The following PPIH variants were observed in gnomAD, a reference collection of about 807,000 sequenced individuals.
PPIH encodes the protein peptidyl-prolyl cis-trans isomerase H.
Under a neutral mutation model 27.6 loss-of-function variants are expected in PPIH, and 16 were observed. That is an observed-to-expected ratio of 0.58 (90% confidence interval 0.39 to 0.88). The LOEUF (loss-of-function observed/expected upper bound fraction) is 0.88, where lower values mean the gene tolerates loss of function less well. Among genes scored for constraint, PPIH ranks in the 40% least tolerant of loss-of-function variants. The pLI is 0.00. For synonymous variants in PPIH, 63 were observed against 76.1 expected (o/e 0.83, Z 0.90); for missense variants, 155 against 224.1 (o/e 0.69, Z 1.97).
intron 9 of PPIH, among the ~76,000 whole-genome samples, chr1:42,670,993 A>T (rs1258503425): frequency 6.6e-6 from 1 of 152,076 alleles, no homozygotes; most frequent in Non-Finnish European, 1.5e-5. Context: ...ACGGGGTTTC[A>T]TCGTGTTAGC....
In PPIH at chr1:42,666,034, T is replaced by G. The variant is rs11550298; in HGVS notation, c.391T>G (p.Cys131Gly). The change falls in exon 7 of 10, where the codon TGC becomes GGC. Residue 131 changes from cysteine to glycine, a missense_variant. Physicochemically the swap from Cys to Gly is radical, Grantham distance 159. Around this residue, in one of 2 missense-constraint regions of PPIH, gnomAD observed 96 missense variants for 175.3 expected, o/e 0.55. Coordinates refer to ENST00000304979, the MANE Select transcript of PPIH (RefSeq NM_006347.4). ...GCQFFITCSK[C>G]DWLDGKHVVF... ...TCAGTTCTTTATCACCTGCTCTAAG[T>G]GCGATTGGCTGGATGGGAAGCATGT... 5 of 1,614,086 alleles carry G rather than the reference T, an allele frequency of 3.1e-6. No individual in the cohort carries two copies. Among genetic ancestry groups the G allele is most frequent in the Non-Finnish European group, 4.2e-6 (5 of 1,180,032 alleles).
chr1:42,673,659 G>A (rs1649751547), intron 9 of PPIH, among the ~76,000 whole-genome samples: 1 of 152,238 alleles, frequency 6.6e-6, no homozygotes, highest in Non-Finnish European at 1.5e-5. Context: ...TTTGTAACAA[G>A]TATCTCACAT....
intron 8 of PPIH, 44 bp downstream of exon 8, chr1:42,666,631 T>C (rs766549709): frequency 1.9e-6 from 3 of 1,587,082 alleles, no homozygotes; most frequent in Non-Finnish European, 2.6e-6. Context: ...CATTGTGGTC[T>C]GGTACTGTCT....
downstream of PPIH, chr1:42,681,400 G>C (rs1650014866): frequency 6.6e-6 from 1 of 152,060 alleles, no homozygotes; most frequent in Non-Finnish European, 1.5e-5. Flanking sequence ...AGTATTTACC[G>C]TGTTGGCTGT....
intron 5 of PPIH, among the ~76,000 whole-genome samples, chr1:42,664,538 C>G (rs543569404): frequency 6.6e-6 from 1 of 152,286 alleles, no homozygotes; most frequent in East Asian, 1.9e-4. Context: ...TGAGAGTCTT[C>G]AGGAATGGCA....
At chr1:42,662,844 A>T (rs1172533931) in intron 5 of PPIH, among the ~76,000 whole-genome samples, 1 of 152,172 alleles carries the variant, frequency 6.6e-6, no homozygotes. Flanking sequence ...TGTTTATATA[A>T]TTTTTAACAG....
At chr1:42,666,105 C>T in intron 7 of PPIH, 38 bp downstream of exon 7, 3 of 1,575,254 alleles carry the variant, frequency 1.9e-6, no homozygotes, top group Non-Finnish European at 2.6e-6. Flanking sequence ...AGGCCCCATT[C>T]ACCCTGGATG....
intron 4 of PPIH, 105 bp downstream of exon 4, chr1:42,659,671 A>T: frequency 6.7e-7 from 1 of 1,483,552 alleles, no homozygotes; most frequent in Non-Finnish European, 8.9e-7. Flanking sequence ...ACATTTCTTG[A>T]GAAGAAATGT....
chr1:42,663,966 AT>A (rs1649191890), intron 5 of PPIH, among the ~76,000 whole-genome samples: 1 of 152,206 alleles, frequency 6.6e-6, no homozygotes, highest in African/African-American at 2.4e-5. Flanking sequence ...CACTGCAAAT[AT>A]GGCCTTGGTC....
chr1:42,668,527 T>G (rs1265317920), intron 9 of PPIH, among the ~76,000 whole-genome samples: 1 of 152,158 alleles, frequency 6.6e-6, no homozygotes, highest in East Asian at 1.9e-4. Flanking sequence ...ACCACAATAT[T>G]ATCTAATATA....
At chr1:42,659,336 T>C in intron 3 of PPIH, 85 bp downstream of exon 3, 1 of 1,614,244 alleles carries the variant, frequency 6.2e-7, no homozygotes, top group Non-Finnish European at 8.5e-7. Flanking sequence ...AACCACCTGC[T>C]GGCCTTGAAT....
chr1:42,661,753 G>A (rs1425607646), intron 5 of PPIH, among the ~76,000 whole-genome samples: 3 of 152,124 alleles, frequency 2.0e-5, no homozygotes, highest in Non-Finnish European at 2.9e-5. Context: ...ATACAGGGTT[G>A]CAGAGTGGCA....
intron 6 of PPIH, among the ~76,000 whole-genome samples, chr1:42,665,513 C>T (rs1649283441): frequency 6.6e-6 from 1 of 152,052 alleles, no homozygotes; most frequent in Admixed American, 6.5e-5. Context: ...GCATTCAGCC[C>T]TACTGCTCAG....
chr1:42,671,923 G>A (rs1305768439), intron 9 of PPIH, among the ~76,000 whole-genome samples: 2 of 146,594 alleles, frequency 1.4e-5, no homozygotes, highest in African/African-American at 2.5e-5. Context: ...TTGCTCTGTC[G>A]CCCAGGCTAG....
chr1:42,666,232 G>A (rs1040321837), intron 7 of PPIH, among the ~76,000 whole-genome samples, 165 bp downstream of exon 7: 2 of 152,194 alleles, frequency 1.3e-5, no homozygotes, highest in African/African-American at 4.8e-5. Flanking sequence ...TGTGTGGCTA[G>A]AGAACTAGAG....
At chr1:42,666,701 T>C (rs1649360421) in intron 8 of PPIH, 114 bp downstream of exon 8, 3 of 1,100,234 alleles carry the variant, frequency 2.7e-6, no homozygotes, top group Admixed American at 1.9e-5. Context: ...GCTGTCTTCA[T>C]TGCCCCAGGA....
chr1:42,665,460 A>G (rs1649280857), intron 6 of PPIH, among the ~76,000 whole-genome samples: 1 of 152,192 alleles, frequency 6.6e-6, no homozygotes, highest in African/African-American at 2.4e-5. Context: ...CTAGCAGGCT[A>G]GCAGGCTGGG....
At chr1:42,660,516 G>A (rs1313763731) in intron 4 of PPIH, among the ~76,000 whole-genome samples, 2 of 152,020 alleles carry the variant, frequency 1.3e-5, no homozygotes, top group Non-Finnish European at 2.9e-5. Flanking sequence ...TGCAACCTCC[G>A]CCTCCTGGGT....
In PPIH at chr1:42,667,100, T is replaced by C. The variant is rs999187026; in HGVS notation, c.466-251T>C. On this transcript the variant is annotated intron_variant, in intron 8 of 9. Coordinates refer to ENST00000304979, the MANE Select transcript of PPIH (RefSeq NM_006347.4). ...CTTCCCTGACCTCTTTAAGCCCCAA[T>C]TTAGTTGCCTATCTAACCCTTATCC... is the stretch of plus-strand genomic sequence containing the variant. Among the ~76,000 whole-genome samples the C allele has an allele frequency of 5.9e-5, 9 of 152,330 alleles. No individual in the cohort carries two copies. The South Asian group carries it at 6.2e-4, about 11-fold the overall frequency.
Sources: allele counts gnomAD v4.1 joint callset (sites outside exome capture counted in the v4.1 genomes callset), GRCh38; gene constraint gnomAD v4.1.1; regional missense constraint gnomAD v4.1.1; transcripts MANE v1.5; gene names NCBI Gene and HGNC (gene_info 2026-07-23, HGNC 2026-07-21).